ZNF536: variants seen among roughly 807,000 people sequenced by gnomAD.
The protein encoded by ZNF536 is zinc finger protein 536.
A neutral mutation model predicts 84.5 loss-of-function variants in ZNF536; 13 were observed. That is an observed-to-expected ratio of 0.15 (90% confidence interval 0.10 to 0.24). The LOEUF (loss-of-function observed/expected upper bound fraction) is 0.24, where lower values mean the gene tolerates loss of function less well. Ranked by LOEUF, ZNF536 falls within the 10% of genes least tolerant of loss-of-function variation. The pLI is 1.00. For missense variants in ZNF536, 1,536 were observed against 1,747.5 expected (o/e 0.88, Z 2.16); for synonymous variants, 811 against 742.5 (o/e 1.09, Z -1.50).
rs776353797 is a variant in ZNF536 at position 30,549,053 on chromosome 19, T to A, written c.3434T>A (p.Val1145Asp). 1 of 1,614,074 alleles carries A rather than the reference T, an allele frequency of 6.2e-7. No individual in the cohort carries two copies. The highest frequency in any genetic ancestry group is 1.6e-4 in the Middle Eastern group (1 of 6,062). ...PDGKAHSEED[V>D]PILIPETTSK... ...GGAAAGGCCCACTCTGAAGAGGATGTCCCCATCCTGATCCCCGAAACCACG... is the reference window on the plus strand; with the variant it reads ...GGAAAGGCCCACTCTGAAGAGGATGACCCCATCCTGATCCCCGAAACCACG... Residue 1145 changes from valine to aspartate, a missense_variant, in exon 4 of 5, where the codon GTC becomes GAC. Val to Asp is a radical substitution (Grantham distance 152). Transcript: ENST00000355537.
At chr19:30,315,920 G>T in intron 2 of ZNF536, among the ~76,000 whole-genome samples, 1 of 152,126 alleles carries the variant, frequency 6.6e-6, no homozygotes, top group East Asian at 1.9e-4. Flanking sequence ...AAAAAAAACA[G>T]TATTGTTTTT....
At chr19:30,498,140 T>C (rs1200643918) in intron 2 of ZNF536, among the ~76,000 whole-genome samples, 1 of 152,232 alleles carries the variant, frequency 6.6e-6, no homozygotes, top group African/African-American at 2.4e-5. Context: ...CATGTATGTG[T>C]ATGTTCATTG....
In ZNF536 at chr19:30,462,950, G is replaced by T. The variant is rs192510293; in HGVS notation, c.2170+17218G>T. ...GGATAAGGATGTGTTTGCTGGGATG[G>T]GCGTATCCGTATGCATTTGCCTGTG... On this transcript the variant is annotated intron_variant, in intron 2 of 4. Coordinates refer to ENST00000355537, the MANE Select transcript of ZNF536 (RefSeq NM_014717.3). Among the ~76,000 whole-genome samples, 11 of 141,656 alleles carry T rather than the reference G, an allele frequency of 7.8e-5. 1 individual carries two copies. In the East Asian group the frequency reaches 2.4e-3, roughly 31 times the overall value. 92.9% of individuals were successfully genotyped at this position (141,656 alleles called of 152,430 possible).
At chr19:30,482,003 T>C (rs1020573175) in intron 2 of ZNF536, among the ~76,000 whole-genome samples, 3 of 152,240 alleles carry the variant, frequency 2.0e-5, no homozygotes, top group Admixed American at 6.5e-5. Context: ...TTTGTTCCTT[T>C]TGATGACTGA....
At position 30,279,486 on chromosome 19, in the gene ZNF536, C is replaced by G. The variant is rs1052398079; in HGVS notation, c.-189-4586C>G. Among the ~76,000 whole-genome samples the G allele has an allele frequency of 3.3e-5, 5 of 152,138 alleles. No homozygotes were observed. In the South Asian group the frequency reaches 6.2e-4, roughly 19 times the overall value. On this transcript the variant is annotated intron_variant, in intron 1 of 5. Transcript: ENST00000585628. ...ATTTGGGGCCATGTTCATCCCCCAGCGTTGTCTGAGAAAGAGAGAATCACT... is the reference window on the plus strand; with the variant it reads ...ATTTGGGGCCATGTTCATCCCCCAGGGTTGTCTGAGAAAGAGAGAATCACT...
chr19:30,652,379 C>T (rs1443851320), intron 1 of ZNF536, among the ~76,000 whole-genome samples: 1 of 152,044 alleles, frequency 6.6e-6, no homozygotes, highest in Non-Finnish European at 1.5e-5. Flanking sequence ...TGTAATAGAA[C>T]TCTCAAATCT....
At chr19:30,238,611 T>G (rs1006103628) in intron 1 of ZNF536, among the ~76,000 whole-genome samples, 8 of 151,950 alleles carry the variant, frequency 5.3e-5, no homozygotes, top group Non-Finnish European at 1.0e-4. Context: ...TTCTTCCGTC[T>G]TTTCCTCCCT....
intron 1 of ZNF536, among the ~76,000 whole-genome samples, chr19:30,691,217 G>A (rs368107451): frequency 1.2e-4 from 18 of 152,186 alleles, no homozygotes; most frequent in East Asian, 7.7e-4. Flanking sequence ...TGTATTAACC[G>A]TGAGGTCTGC....
chr19:30,539,141 A>G (rs1293650266), intron 3 of ZNF536, among the ~76,000 whole-genome samples: 1 of 152,056 alleles, frequency 6.6e-6, no homozygotes, highest in Non-Finnish European at 1.5e-5. Context: ...ACACACACGC[A>G]CACAGGAGAT....
At chr19:30,353,327 C>A (rs1353152689) in intron 3 of ZNF536, among the ~76,000 whole-genome samples, 1 of 152,062 alleles carries the variant, frequency 6.6e-6, no homozygotes, top group Non-Finnish European at 1.5e-5. Flanking sequence ...GCTACGGCCT[C>A]GTGTAATATC....
At chr19:30,575,291 C>T (rs895010846) in intron 1 of ZNF536, among the ~76,000 whole-genome samples, 1 of 152,022 alleles carries the variant, frequency 6.6e-6, no homozygotes, top group African/African-American at 2.4e-5. Context: ...CCGGGCACTT[C>T]CCTCCATGGA....
At chr19:30,608,668 C>T (rs919811752) in intron 1 of ZNF536, among the ~76,000 whole-genome samples, 2 of 152,120 alleles carry the variant, frequency 1.3e-5, no homozygotes, top group Non-Finnish European at 2.9e-5. Context: ...GGAACTGGGC[C>T]CCAGCAGCTT....
chr19:30,350,549 A>G (rs753264940), intron 2 of ZNF536, among the ~76,000 whole-genome samples: 1 of 152,240 alleles, frequency 6.6e-6, no homozygotes, highest in Non-Finnish European at 1.5e-5. Flanking sequence ...AAATACCTAT[A>G]GATTTATCTG....
intron 1 of ZNF536, among the ~76,000 whole-genome samples, chr19:30,271,395 G>A (rs1480027093): frequency 1.4e-5 from 2 of 143,920 alleles, no homozygotes; most frequent in African/African-American, 5.2e-5. Context: ...TATAATCACA[G>A]GAAAACAGTG....
intron 1 of ZNF536, among the ~76,000 whole-genome samples, chr19:30,614,675 A>AT (rs1275443791): frequency 6.6e-6 from 1 of 151,126 alleles, no homozygotes; most frequent in African/African-American, 2.4e-5. Context: ...TCATTTGCCC[A>AT]TTTTTTTCCT....
At chr19:30,294,855 T>C (rs936680884) in intron 2 of ZNF536, among the ~76,000 whole-genome samples, 3 of 152,140 alleles carry the variant, frequency 2.0e-5, no homozygotes, top group South Asian at 2.1e-4. Context: ...GAGGCAGGCA[T>C]GCATAGATGG....
intron 2 of ZNF536, among the ~76,000 whole-genome samples, chr19:30,307,429 C>A (rs1221820857): frequency 2.0e-5 from 3 of 150,928 alleles, no homozygotes; most frequent in South Asian, 4.2e-4. Flanking sequence ...TTTGGCTTTA[C>A]ATGAGGGATG....
intron 2 of ZNF536, among the ~76,000 whole-genome samples, chr19:30,315,446 G>A (rs977464041): frequency 6.6e-6 from 1 of 152,134 alleles, no homozygotes; most frequent in South Asian, 2.1e-4. Context: ...TGATGGTGGG[G>A]CATGAGCCAC....
At chr19:30,614,244 G>T (rs1206454077) in intron 1 of ZNF536, among the ~76,000 whole-genome samples, 1 of 152,202 alleles carries the variant, frequency 6.6e-6, no homozygotes, top group South Asian at 2.1e-4. Flanking sequence ...AAAAATAATT[G>T]CGGTTTTTGC....
Sources: allele counts gnomAD v4.1 joint callset (sites outside exome capture counted in the v4.1 genomes callset), GRCh38; gene constraint gnomAD v4.1.1; transcripts MANE v1.5; gene names NCBI Gene and HGNC (gene_info 2026-07-23, HGNC 2026-07-21).